L2HGDH: variants seen among roughly 807,000 people sequenced by gnomAD.
The protein encoded by L2HGDH is L-2-hydroxyglutarate dehydrogenase, mitochondrial.
L2HGDH carries 34 observed loss-of-function variants against 51.5 expected under a neutral mutation model. The observed-to-expected ratio is 0.66, with a 90% CI of 0.50 to 0.88. L2HGDH has a LOEUF of 0.88. Among genes scored for constraint, L2HGDH ranks in the 40% least tolerant of loss-of-function variants. The pLI, the probability that L2HGDH is intolerant of heterozygous loss-of-function variation, is 0.00. For missense variants in L2HGDH, 558 were observed against 571.9 expected (o/e 0.98, Z 0.25); for synonymous variants, 198 against 197.9 (o/e 1.00, Z -0.01).
Position 50,244,787 on chromosome 14 carries a change from T to A in L2HGDH, c.*2271A>T. 1.0e-6 allele frequency: 1 copy of A among 985,428 alleles called. No homozygotes were observed. Among genetic ancestry groups the A allele is most frequent in the East Asian group, 1.1e-4 (1 of 8,824 alleles). The allele number at this position is 985,428 out of a possible 1,614,324, so 61.0% of individuals were successfully genotyped here. A position where few individuals can be genotyped will look rare whatever the true frequency, so the allele number is the denominator to read the frequency against. On this transcript the variant is annotated 3_prime_UTR_variant, in exon 10 of 10. Coordinates refer to ENST00000267436, the MANE Select transcript of L2HGDH (RefSeq NM_024884.3). ...AGGAAGAAAACAGAAACATTTTTCC[T>A]ATCAACCAAAATGCACATCCTTCTC... is the stretch of plus-strand genomic sequence containing the variant.
chr14:50,261,450 C>T (rs1889017544), intron 9 of L2HGDH, among the ~76,000 whole-genome samples: 1 of 152,140 alleles, frequency 6.6e-6, no homozygotes, highest in Non-Finnish European at 1.5e-5. Flanking sequence ...ATTAACATGT[C>T]AAAATTAATC....
At chr14:50,278,851 G>T (rs185130746) in intron 5 of L2HGDH, among the ~76,000 whole-genome samples, 3 of 152,074 alleles carry the variant, frequency 2.0e-5, no homozygotes, top group Non-Finnish European at 2.9e-5. Flanking sequence ...CCTGGAAACC[G>T]CAATGTAAAA....
At chr14:50,280,455 G>A (rs1208782230) in intron 5 of L2HGDH, among the ~76,000 whole-genome samples, 2 of 152,054 alleles carry the variant, frequency 1.3e-5, no homozygotes, top group East Asian at 1.9e-4. Flanking sequence ...GTGAGCCAAC[G>A]CGCCTCCCAG....
At chr14:50,258,238 A>G (rs779438427) in intron 9 of L2HGDH, among the ~76,000 whole-genome samples, 4 of 151,878 alleles carry the variant, frequency 2.6e-5, no homozygotes, top group Non-Finnish European at 4.4e-5. Flanking sequence ...TTTTTTAGAG[A>G]CAGGCCTCAC....
At chr14:50,272,085 G>A (rs1032450965) in intron 6 of L2HGDH, among the ~76,000 whole-genome samples, 13 of 152,216 alleles carry the variant, frequency 8.5e-5, no homozygotes, top group Non-Finnish European at 1.8e-4. Context: ...AGGTTACAGT[G>A]AGCCAAGATC....
intron 9 of L2HGDH, among the ~76,000 whole-genome samples, chr14:50,259,874 G>C (rs1037928204): frequency 4.0e-5 from 6 of 149,334 alleles, no homozygotes; most frequent in Non-Finnish European, 7.4e-5. Flanking sequence ...TAATTGCTTA[G>C]TGTCAGTAGT....
At chr14:50,257,421 G>A (rs916820759) in intron 9 of L2HGDH, among the ~76,000 whole-genome samples, 7 of 150,990 alleles carry the variant, frequency 4.6e-5, no homozygotes, top group Non-Finnish European at 8.8e-5. Flanking sequence ...CCAGGCTGGA[G>A]GGCAGTGGTG....
At chr14:50,260,159 C>T (rs1888937673) in intron 9 of L2HGDH, among the ~76,000 whole-genome samples, 1 of 152,148 alleles carries the variant, frequency 6.6e-6, no homozygotes, top group African/African-American at 2.4e-5. Flanking sequence ...CTCCCACTCC[C>T]CATCCCCAAG....
intron 9 of L2HGDH, among the ~76,000 whole-genome samples, chr14:50,253,826 A>G (rs1216183154): frequency 6.6e-6 from 1 of 152,178 alleles, no homozygotes; most frequent in African/African-American, 2.4e-5. Context: ...TGTGGTATCT[A>G]TACACAATGG....
At position 50,244,328 on chromosome 14, in the gene L2HGDH, A is replaced by G; in HGVS notation, c.*2730T>C. 3 of 943,048 alleles carry G rather than the reference A, an allele frequency of 3.2e-6. No individual in the cohort carries two copies. Among genetic ancestry groups the G allele is most frequent in the Non-Finnish European group, 3.8e-6 (3 of 791,458 alleles). 58.4% of individuals were successfully genotyped at this position (943,048 alleles called of 1,614,324 possible). On this transcript the variant is annotated 3_prime_UTR_variant, in exon 10 of 10. Transcript: ENST00000267436. ...TGTAAAAGTGTTCCTATTTCTCCAC[A>G]TCCTCTCCAGCACCTGTTGTTTCCT...
chr14:50,255,537 C>CAA (rs371804551), intron 9 of L2HGDH, among the ~76,000 whole-genome samples: 35,220 of 114,356 alleles, frequency 0.31, 6,321 homozygotes, highest in Middle Eastern at 0.43. Flanking sequence ...ACTCCATCTC[C>CAA]AAAAAAAAAA....
intron 4 of L2HGDH, among the ~76,000 whole-genome samples, chr14:50,284,549 G>A (rs1890459707): frequency 6.6e-6 from 1 of 152,210 alleles, no homozygotes; most frequent in Non-Finnish European, 1.5e-5. Flanking sequence ...ATCTGTAGAT[G>A]AATGACCTAT....
intron 9 of L2HGDH, among the ~76,000 whole-genome samples, chr14:50,254,649 A>G (rs2139940948): frequency 6.6e-6 from 1 of 152,126 alleles, no homozygotes. Flanking sequence ...AAATGTCTAC[A>G]CTTATTTTTC....
chr14:50,242,499 T>TCAA lies in L2HGDH; in HGVS notation c.*4556_*4558dup, dbSNP rs771246826. On this transcript the variant is annotated 3_prime_UTR_variant, in exon 10 of 10. Coordinates refer to ENST00000267436, the MANE Select transcript of L2HGDH (RefSeq NM_024884.3). ...CAGAAAATACAAGCAATTAACAACATCAACAACAACAACAAACCCACAATA... is the reference window on the plus strand; with the variant it reads ...CAGAAAATACAAGCAATTAACAACATCAACAACAACAACAACAAACCCACAATA... 2.0e-5 allele frequency: 20 copies of TCAA among 981,172 alleles called. No homozygotes were observed. Among genetic ancestry groups the TCAA allele is most frequent in the Non-Finnish European group, 2.3e-5 (19 of 826,206 alleles). 60.8% of individuals were successfully genotyped at this position (981,172 alleles called of 1,614,324 possible). A position where few individuals can be genotyped will look rare whatever the true frequency, so the allele number is the denominator to read the frequency against.
intron 4 of L2HGDH, among the ~76,000 whole-genome samples, chr14:50,284,657 C>G (rs1338539972): frequency 6.6e-6 from 1 of 152,168 alleles, no homozygotes; most frequent in Non-Finnish European, 1.5e-5. Context: ...ATTTCACACA[C>G]TAAGTACTGA....
chr14:50,269,238 T>G lies in L2HGDH; in HGVS notation c.831A>C (p.Arg277=). 1 of 1,613,974 alleles carries G rather than the reference T, an allele frequency of 6.2e-7. No homozygotes were observed. The highest frequency in any genetic ancestry group is 8.5e-7 in the Non-Finnish European group (1 of 1,179,908). The change falls in exon 7 of 10, where the codon CGA becomes CGC. Residue 277 remains arginine, a synonymous_variant. Coordinates refer to ENST00000267436, the MANE Select transcript of L2HGDH (RefSeq NM_024884.3). The part of the protein sequence containing the change: ...SELSGCTPDP[R]IVPFRGDYLL... ...GGTAATCTCCCCGGAATGGTACAAT[T>G]CGAGGATCAGGAGTGCAGCCACTCA...
intron 4 of L2HGDH, chr14:50,287,276 C>T: frequency 1.0e-6 from 1 of 983,620 alleles, no homozygotes; most frequent in Non-Finnish European, 1.2e-6. Flanking sequence ...TTCAGTAATG[C>T]ATAATATAAA....
chr14:50,307,276 A>G (rs1259441784), intron 1 of L2HGDH, among the ~76,000 whole-genome samples: 1 of 152,238 alleles, frequency 6.6e-6, no homozygotes, highest in African/African-American at 2.4e-5. Flanking sequence ...TAAAACTATC[A>G]TACTGAATAT....
chr14:50,279,698 A>G (rs1286055370), intron 5 of L2HGDH, among the ~76,000 whole-genome samples: 1 of 151,734 alleles, frequency 6.6e-6, no homozygotes, highest in East Asian at 1.9e-4. Flanking sequence ...AAAAAAAAAA[A>G]GAAGGAAGAA....
Sources: gnomAD v4.1 joint callset for allele counts (sites outside exome capture counted in the v4.1 genomes callset) on GRCh38, gnomAD v4.1.1 for gene constraint, MANE v1.5 for transcripts, NCBI Gene and HGNC (gene_info 2026-07-23, HGNC 2026-07-21) for gene names.